The following ATP10B variants were observed in gnomAD, a reference collection of about 807,000 sequenced individuals.
ATP10B encodes the protein ATPase phospholipid transporting 10B (putative).
In ATP10B, 122 loss-of-function variants were observed where a neutral mutation model predicts 141.2. That is an observed-to-expected ratio of 0.86 (90% CI 0.75 to 1.00). The LOEUF (loss-of-function observed/expected upper bound fraction) is 1.00, where lower values mean the gene tolerates loss of function less well. Among genes scored for constraint, ATP10B ranks in the 50% least tolerant of loss-of-function variants. ATP10B has a pLI of 0.00. For synonymous variants in ATP10B, 685 were observed against 692.0 expected (o/e 0.99, Z 0.16); for missense variants, 1,876 against 1,825.3 (o/e 1.03, Z -0.51).
At chr5:160,795,697 G>C (rs1251099798) in intron 1 of ATP10B, among the ~76,000 whole-genome samples, 1 of 151,762 alleles carries the variant, frequency 6.6e-6, no homozygotes, top group Non-Finnish European at 1.5e-5. Context: ...CCTTATAAGA[G>C]AAAGGCAGAG....
chr5:160,855,799 GTGTT>G (rs1454224308), upstream of ATP10B, among the ~76,000 whole-genome samples: 1 of 151,660 alleles, frequency 6.6e-6, no homozygotes, highest in Non-Finnish European at 1.5e-5. Flanking sequence ...GTTTCCTTGT[GTGTT>G]TATTTGGATT....
Position 160,798,744 on chromosome 5 carries a change from ATTTTTTTTTTTTTTT to A in ATP10B, c.-575-12956_-575-12942del, listed in dbSNP as rs35866347. ...GGGTCAAGGAAAAGACTTTTTCTCT[ATTTTTTTTTTTTTTT>A]TTTTTTTTTGAGGCAAAGGCTTACT... is the stretch of plus-strand genomic sequence containing the variant. On this transcript the variant is annotated intron_variant, in intron 1 of 25. Transcript: ENST00000327245. Among the ~76,000 whole-genome samples the A allele has an allele frequency of 9.8e-5, 10 of 102,502 alleles. No individual in the cohort carries two copies. The South Asian group carries it at 2.6e-3, about 27-fold the overall frequency. 67.2% of individuals were successfully genotyped at this position (102,502 alleles called of 152,430 possible). A position where few individuals can be genotyped will look rare whatever the true frequency, so the allele number is the denominator to read the frequency against.
the ATP10B span, among the ~76,000 whole-genome samples, chr5:160,912,979 C>T: frequency 6.6e-6 from 1 of 152,238 alleles, no homozygotes; most frequent in African/African-American, 2.4e-5. Flanking sequence ...AGAGGACATG[C>T]TGGCCATGAC....
intron 2 of ATP10B, among the ~76,000 whole-genome samples, chr5:160,723,554 G>A (rs566955200): frequency 6.6e-6 from 1 of 152,114 alleles, no homozygotes; most frequent in Non-Finnish European, 1.5e-5. Flanking sequence ...AGCATAATTT[G>A]TCCCCAAATG....
chr5:160,915,193 C>T, the ATP10B span, among the ~76,000 whole-genome samples: 1 of 152,100 alleles, frequency 6.6e-6, no homozygotes, highest in Non-Finnish European at 1.5e-5. Context: ...GATGAAATAA[C>T]ATTTGAAGGT....
chr5:160,732,210 C>A (rs1397482625), intron 2 of ATP10B, among the ~76,000 whole-genome samples: 1 of 152,110 alleles, frequency 6.6e-6, no homozygotes, highest in African/African-American at 2.4e-5. Flanking sequence ...AACCTTGGAG[C>A]CCCAAATAAA....
At chr5:160,880,032 A>G in the ATP10B span, among the ~76,000 whole-genome samples, 1 of 151,684 alleles carries the variant, frequency 6.6e-6, no homozygotes, top group East Asian at 1.9e-4. Flanking sequence ...ATTCTTCTGT[A>G]TAAATCTAAT....
chr5:160,827,675 C>A (rs1363156706), intron 1 of ATP10B, among the ~76,000 whole-genome samples: 1 of 152,084 alleles, frequency 6.6e-6, no homozygotes, highest in East Asian at 1.9e-4. Flanking sequence ...AAGGGCATTT[C>A]CTAGGTTTTC....
Position 160,733,711 on chromosome 5 carries a change from A to T in ATP10B, c.-330-16677T>A, listed in dbSNP as rs1019361820. ...CACACACATATATATATATATATGTAACAGTGATTTGAATAAGGGCCAGAA... is the reference window on the plus strand; with the variant it reads ...CACACACATATATATATATATATGTTACAGTGATTTGAATAAGGGCCAGAA... On this transcript the variant is annotated intron_variant, in intron 2 of 25. Coordinates refer to ENST00000327245, the MANE Select transcript of ATP10B (RefSeq NM_025153.3). 3.3e-5 allele frequency among the ~76,000 whole-genome samples: 5 copies of T among 151,136 alleles called. 1 individual carries two copies. The highest frequency in any genetic ancestry group is 5.9e-5 in the Non-Finnish European group (4 of 67,888).
At chr5:160,826,069 C>G (rs961567052) in intron 1 of ATP10B, among the ~76,000 whole-genome samples, 1 of 152,080 alleles carries the variant, frequency 6.6e-6, no homozygotes, top group Non-Finnish European at 1.5e-5. Context: ...TGATGGGCAC[C>G]TAGGTTGGTT....
At chr5:160,593,112 C>G (rs973460905) in intron 22 of ATP10B, among the ~76,000 whole-genome samples, 1 of 152,260 alleles carries the variant, frequency 6.6e-6, no homozygotes, top group Admixed American at 6.5e-5. Flanking sequence ...AGACTGCCTC[C>G]TCAAGTGGGT....
In ATP10B at chr5:160,615,768, G is replaced by T. The variant is rs1581204752; in HGVS notation, c.2653+70C>A. 2.5e-6 allele frequency: 4 copies of T among 1,570,688 alleles called. No homozygotes were observed. The South Asian group carries it at 4.6e-5, about 18-fold the overall frequency. On this transcript the variant is annotated intron_variant, in intron 17 of 25. Transcript: ENST00000327245. ...GAGACATATTAGTAGTGTCAGAATC[G>T]GGGCCAAGAGCTCCCTTCTCAACTG...
chr5:160,775,520 C>G (rs1442674783), intron 2 of ATP10B, among the ~76,000 whole-genome samples: 1 of 152,092 alleles, frequency 6.6e-6, no homozygotes, highest in Non-Finnish European at 1.5e-5. Context: ...ACTGACATAA[C>G]TTTTTGTTCT....
At chr5:160,755,286 A>G (rs1415082939) in intron 2 of ATP10B, among the ~76,000 whole-genome samples, 1 of 152,128 alleles carries the variant, frequency 6.6e-6, no homozygotes, top group Non-Finnish European at 1.5e-5. Flanking sequence ...CAGCAAGGGA[A>G]ATATCCGCCC....
At chr5:160,744,864 G>T (rs952490970) in intron 2 of ATP10B, among the ~76,000 whole-genome samples, 1 of 152,198 alleles carries the variant, frequency 6.6e-6, no homozygotes, top group Non-Finnish European at 1.5e-5. Flanking sequence ...CACGAATTCT[G>T]CTGTCAGCTC....
chr5:160,706,676 CAG>C (rs752416033), intron 3 of ATP10B, among the ~76,000 whole-genome samples: 1 of 152,166 alleles, frequency 6.6e-6, no homozygotes, highest in East Asian at 1.9e-4. Context: ...AACGATAATA[CAG>C]AGAGTTCCTT....
At chr5:160,829,981 G>A (rs1774949914) in intron 1 of ATP10B, among the ~76,000 whole-genome samples, 1 of 152,076 alleles carries the variant, frequency 6.6e-6, no homozygotes, top group Admixed American at 6.6e-5. Context: ...AGGACTTCCA[G>A]TACTCTGTTG....
intron 22 of ATP10B, among the ~76,000 whole-genome samples, chr5:160,592,451 G>T (rs1581166035): frequency 6.6e-6 from 1 of 152,164 alleles, no homozygotes. Context: ...GGCCAAATAG[G>T]AACAGCTCTG....
At chr5:160,755,168 G>A (rs573306178) in intron 2 of ATP10B, among the ~76,000 whole-genome samples, 2 of 152,284 alleles carry the variant, frequency 1.3e-5, no homozygotes. Context: ...AAGGTGAAGG[G>A]GAAGCAAGCA....
Sources: allele counts gnomAD v4.1 joint callset (sites outside exome capture counted in the v4.1 genomes callset), GRCh38; gene constraint gnomAD v4.1.1; transcripts MANE v1.5; gene names NCBI Gene and HGNC (gene_info 2026-07-23, HGNC 2026-07-21).